The following VWA8 variants were observed in gnomAD, a reference collection of about 807,000 sequenced individuals.
The protein encoded by VWA8 is von Willebrand factor A domain containing 8, also known as von Willebrand factor A domain-containing protein 8.
In VWA8, 221 loss-of-function variants were observed where a neutral mutation model predicts 241.5. The ratio of observed to expected loss-of-function variants is 0.91; its 90% CI spans 0.82 to 1.02. The LOEUF is 1.02. VWA8 is among the 50% of genes least tolerant of loss of function. VWA8 has a pLI of 0.00. For missense variants in VWA8, 2,322 were observed against 2,328.7 expected (o/e 1.00, Z 0.06); for synonymous variants, 852 against 827.1 (o/e 1.03, Z -0.52).
At chr13:41,933,323 T>C (rs1877208843) in intron 2 of VWA8, among the ~76,000 whole-genome samples, 1 of 152,004 alleles carries the variant, frequency 6.6e-6, no homozygotes, top group East Asian at 1.9e-4. Context: ...AAGATCTAAA[T>C]AGAGAAATAT....
chr13:41,713,318 A>C (rs2045329997), intron 26 of VWA8, among the ~76,000 whole-genome samples: 1 of 152,210 alleles, frequency 6.6e-6, no homozygotes, highest in African/African-American at 2.4e-5. Flanking sequence ...AATGTGATGC[A>C]TCCTTTTCTC....
chr13:41,609,202 A>T (rs2044571572), intron 39 of VWA8, among the ~76,000 whole-genome samples: 1 of 152,168 alleles, frequency 6.6e-6, no homozygotes, highest in Non-Finnish European at 1.5e-5. Flanking sequence ...ATTCACACAA[A>T]TCACATAACG....
chr13:41,576,585 T>C (rs1286845724), intron 42 of VWA8, among the ~76,000 whole-genome samples: 2 of 152,204 alleles, frequency 1.3e-5, no homozygotes, highest in Non-Finnish European at 2.9e-5. Flanking sequence ...ATTATAGATA[T>C]GCTGAACTTG....
At chr13:41,630,973 C>T (rs901482367) in intron 37 of VWA8, among the ~76,000 whole-genome samples, 3 of 152,140 alleles carry the variant, frequency 2.0e-5, no homozygotes, top group African/African-American at 7.2e-5. Context: ...CTCTGCCTGC[C>T]AGCCCATAAT....
At chr13:41,933,531 T>C (rs553687756) in intron 2 of VWA8, among the ~76,000 whole-genome samples, 29 of 152,138 alleles carry the variant, frequency 1.9e-4, no homozygotes, top group Middle Eastern at 6.8e-3. Flanking sequence ...AGAACAAAGA[T>C]GGAGAACTAA....
chr13:41,642,579 GAAAA>G (rs1234317551), intron 37 of VWA8, among the ~76,000 whole-genome samples: 1 of 145,762 alleles, frequency 6.9e-6, no homozygotes, highest in Non-Finnish European at 1.5e-5. Context: ...AAAAAAAAAA[GAAAA>G]AAAGAAAAAT....
intron 2 of VWA8, among the ~76,000 whole-genome samples, chr13:41,943,467 T>G (rs1877691107): frequency 6.6e-6 from 1 of 152,216 alleles, no homozygotes; most frequent in Non-Finnish European, 1.5e-5. Context: ...TTTACAGTCT[T>G]GGTGTAGGCC....
rs567854161 is a variant in VWA8, at chr13:41,628,317, T to C, written c.4612-13233A>G. ...AAGCAGTTTGGAGATTTCTCAAAGA[T>C]CTTAAGACAGAACTACCTACCATTC... On this transcript the variant is annotated intron_variant, in intron 37 of 44. Coordinates refer to ENST00000379310, the MANE Select transcript of VWA8 (RefSeq NM_015058.2). Among the ~76,000 whole-genome samples, 4 of 152,298 alleles carry C rather than the reference T, an allele frequency of 2.6e-5. No individual in the cohort carries two copies. In the South Asian group the frequency reaches 8.3e-4, roughly 32 times the overall value.
intron 21 of VWA8, among the ~76,000 whole-genome samples, chr13:41,737,574 G>A (rs1045307581): frequency 9.9e-5 from 15 of 152,192 alleles, no homozygotes; most frequent in African/African-American, 3.6e-4. Flanking sequence ...AACAATAGGA[G>A]GGTATAGAAT....
intron 37 of VWA8, among the ~76,000 whole-genome samples, chr13:41,643,139 T>G (rs758465953): frequency 6.6e-6 from 1 of 152,206 alleles, no homozygotes; most frequent in Non-Finnish European, 1.5e-5. Flanking sequence ...TTAATTCTGC[T>G]GTTGGTCCAC....
intron 12 of VWA8, among the ~76,000 whole-genome samples, chr13:41,834,880 A>G (rs1041189670): frequency 3.3e-5 from 5 of 152,216 alleles, no homozygotes; most frequent in African/African-American, 9.6e-5. Context: ...GTACATACAC[A>G]CCGTGGAATA....
chr13:41,746,539 C>T (rs192558020), intron 21 of VWA8, among the ~76,000 whole-genome samples: 413 of 152,266 alleles, frequency 2.7e-3, no homozygotes, highest in Middle Eastern at 6.8e-3. Flanking sequence ...AGGTACCCAG[C>T]TGGGGAGGAA....
intron 16 of VWA8, among the ~76,000 whole-genome samples, chr13:41,813,653 A>C (rs1870565234): frequency 6.6e-6 from 1 of 152,162 alleles, no homozygotes; most frequent in Non-Finnish European, 1.5e-5. Flanking sequence ...CATATATTTG[A>C]ACACCAATTC....
chr13:41,934,825 A>G (rs1877277054), intron 2 of VWA8, among the ~76,000 whole-genome samples: 1 of 152,068 alleles, frequency 6.6e-6, no homozygotes, highest in Non-Finnish European at 1.5e-5. Flanking sequence ...TTTTGATTAT[A>G]GTAATGTTTC....
intron 14 of VWA8, among the ~76,000 whole-genome samples, chr13:41,823,578 A>G (rs1281593510): frequency 6.6e-6 from 1 of 152,156 alleles, no homozygotes; most frequent in East Asian, 1.9e-4. Context: ...TTTTCTCATC[A>G]AAGGAAGGAG....
At chr13:41,741,024 A>G (rs1342922176) in intron 21 of VWA8, among the ~76,000 whole-genome samples, 2 of 152,088 alleles carry the variant, frequency 1.3e-5, no homozygotes, top group Non-Finnish European at 2.9e-5. Context: ...TAAAACTGTA[A>G]TCTCTGCTCT....
At chr13:41,905,458 A>G (rs1875663871) in intron 4 of VWA8, among the ~76,000 whole-genome samples, 1 of 152,106 alleles carries the variant, frequency 6.6e-6, no homozygotes, top group Non-Finnish European at 1.5e-5. Context: ...ATATCTGATA[A>G]TTCTATTCTT....
chr13:41,605,744 A>G (rs962360685), intron 39 of VWA8, among the ~76,000 whole-genome samples: 8 of 152,150 alleles, frequency 5.3e-5, no homozygotes, highest in African/African-American at 1.9e-4. Context: ...GATCGAGATC[A>G]TGTATTTGGT....
intron 4 of VWA8, among the ~76,000 whole-genome samples, chr13:41,898,824 T>C (rs1287418830): frequency 6.6e-5 from 10 of 150,724 alleles, no homozygotes; most frequent in Non-Finnish European, 1.5e-4. Context: ...CTGGCCCGGG[T>C]GCTAAGTCCC....
Sources: gnomAD v4.1 joint callset for allele counts (sites outside exome capture counted in the v4.1 genomes callset) on GRCh38, gnomAD v4.1.1 for gene constraint, MANE v1.5 for transcripts, NCBI Gene and HGNC (gene_info 2026-07-23, HGNC 2026-07-21) for gene names.